FSD2: variants seen among roughly 807,000 people sequenced by gnomAD.
FSD2 encodes the protein fibronectin type III and SPRY domain containing 2.
FSD2 carries 71 observed loss-of-function variants against 80.4 expected under a neutral mutation model. The observed-to-expected ratio is 0.88, with a 90% CI of 0.73 to 1.08. The LOEUF (loss-of-function observed/expected upper bound fraction) is 1.08. Ranked by LOEUF, FSD2 falls within the 50% of genes least tolerant of loss-of-function variation. The probability of loss-of-function intolerance (pLI) is 0.00; values close to 1 mark genes in which losing one functional copy is unlikely to be tolerated. For missense variants in FSD2, 923 were observed against 913.8 expected, an observed-to-expected ratio of 1.01 and a Z score of -0.13; for synonymous variants, 361 against 329.5, an observed-to-expected ratio of 1.10 and a Z score of -1.03.
intron 12 of FSD2, among the ~76,000 whole-genome samples, chr15:82,760,739 G>GCA (rs141943507): frequency 0.6 from 89,552 of 150,030 alleles, 26,851 homozygotes; most frequent in African/African-American, 0.66. Flanking sequence ...GTGCGTGCAC[G>GCA]CACACACACA....
At chr15:82,771,516 G>A (rs1164784467) in intron 7 of FSD2, among the ~76,000 whole-genome samples, 1 of 152,300 alleles carries the variant, frequency 6.6e-6, no homozygotes, top group South Asian at 2.1e-4. Flanking sequence ...TCCCATTTCC[G>A]GGGAAAAGGA....
At chr15:82,805,271 C>G (rs1344373676) in intron 1 of FSD2, among the ~76,000 whole-genome samples, 1 of 151,172 alleles carries the variant, frequency 6.6e-6, no homozygotes, top group Non-Finnish European at 1.5e-5. Context: ...ATGGGCATAT[C>G]TACTGAATCT....
At chr15:82,790,923 C>T (rs2050134039) in intron 1 of FSD2, among the ~76,000 whole-genome samples, 1 of 151,460 alleles carries the variant, frequency 6.6e-6, no homozygotes, top group East Asian at 2.0e-4. Context: ...ACAGTTTTAT[C>T]GAGGTATAAT....
chr15:82,802,248 C>G (rs1163622288), intron 1 of FSD2, among the ~76,000 whole-genome samples: 3 of 152,190 alleles, frequency 2.0e-5, no homozygotes, highest in Non-Finnish European at 4.4e-5. Context: ...CAAGTCTCCC[C>G]CTCCATACAT....
chr15:82,794,811 G>A (rs934131059), intron 1 of FSD2, among the ~76,000 whole-genome samples: 53 of 149,446 alleles, frequency 3.5e-4, no homozygotes, highest in African/African-American at 1.2e-3. Flanking sequence ...TGCAAGCTCC[G>A]CCTCCCAGGT....
intron 1 of FSD2, chr15:82,796,456 A>G (rs1271333726): frequency 6.5e-6 from 1 of 153,842 alleles, no homozygotes; most frequent in African/African-American, 2.4e-5. Flanking sequence ...TGCTGCGGGC[A>G]TAAGACGTAT....
intron 1 of FSD2, among the ~76,000 whole-genome samples, chr15:82,805,357 C>T (rs1179703637): frequency 6.6e-6 from 1 of 152,084 alleles, no homozygotes; most frequent in Non-Finnish European, 1.5e-5. Context: ...AATTTTAGCT[C>T]TTCCATGCAG....
chr15:82,764,492 C>CTTTTTTTTTTTTTTTTTGTTT (rs2049363381), intron 11 of FSD2, among the ~76,000 whole-genome samples: 1 of 86,180 alleles, frequency 1.2e-5, no homozygotes, highest in African/African-American at 4.8e-5. Flanking sequence ...TCTTTACTTG[C>CTTTTTTTTTTTTTTTTTGTTT]TTTTTTTTTT....
chr15:82,779,834 T>A (rs1183791272), intron 5 of FSD2, among the ~76,000 whole-genome samples: 3 of 152,148 alleles, frequency 2.0e-5, no homozygotes, highest in Non-Finnish European at 4.4e-5. Flanking sequence ...TGATTAGATT[T>A]GCTCAAGGTC....
chr15:82,765,142 C>G, intron 11 of FSD2, 24 bp downstream of exon 11: 1 of 1,572,990 alleles, frequency 6.4e-7, no homozygotes, highest in Non-Finnish European at 8.6e-7. Flanking sequence ...CACAGAACGC[C>G]CTTGTGAGCG....
chr15:82,783,189 C>T (rs2049913380), intron 3 of FSD2, among the ~76,000 whole-genome samples, 164 bp from the exon 4 acceptor site: 1 of 152,072 alleles, frequency 6.6e-6, no homozygotes. Context: ...ACCTCTGCCC[C>T]CCAGGTTAAA....
chr15:82,785,021 G>A (rs1335943720), intron 3 of FSD2, among the ~76,000 whole-genome samples: 4 of 152,162 alleles, frequency 2.6e-5, no homozygotes, highest in African/African-American at 4.8e-5. Context: ...TGGGTATCCT[G>A]TAATACCTTG....
At chr15:82,786,686 C>T in intron 2 of FSD2, 66 bp downstream of exon 2, 1 of 1,606,612 alleles carries the variant, frequency 6.2e-7, no homozygotes, top group Non-Finnish European at 8.5e-7. Context: ...AGATTTATTC[C>T]CTGCGTATGT....
At chr15:82,762,401 T>C in intron 11 of FSD2, 123 bp from the exon 12 acceptor site, 2 of 801,428 alleles carry the variant, frequency 2.5e-6, no homozygotes, top group Non-Finnish European at 3.9e-6. Flanking sequence ...TAGGTGCTTC[T>C]GGACACTTAA....
At chr15:82,804,942 A>C (rs1309964262) in intron 1 of FSD2, among the ~76,000 whole-genome samples, 3 of 152,202 alleles carry the variant, frequency 2.0e-5, no homozygotes, top group African/African-American at 7.2e-5. Context: ...GAAAGTTGAC[A>C]ATAAACTGTC....
intron 6 of FSD2, among the ~76,000 whole-genome samples, chr15:82,776,785 T>C (rs1394296478): frequency 2.0e-5 from 3 of 152,100 alleles, no homozygotes; most frequent in African/African-American, 7.2e-5. Flanking sequence ...TAAAGCCATC[T>C]TGGGAAAGAC....
chr15:82,786,403 T>C (rs748697862), intron 3 of FSD2, 108 bp downstream of exon 3: 47 of 847,168 alleles, frequency 5.5e-5, no homozygotes, highest in Non-Finnish European at 8.5e-5. Flanking sequence ...TGGTGACCCC[T>C]CACATTCTAA....
chr15:82,779,853 A>G (rs1013728047), intron 5 of FSD2, among the ~76,000 whole-genome samples: 2 of 152,122 alleles, frequency 1.3e-5, no homozygotes, highest in African/African-American at 4.8e-5. Flanking sequence ...TCATGAGGGT[A>G]GCAGGATTTG....
At chr15:82,762,043 G>T in intron 12 of FSD2, 59 bp downstream of exon 12, 1 of 1,361,128 alleles carries the variant, frequency 7.3e-7, no homozygotes, top group Non-Finnish European at 9.9e-7. Context: ...TAGTGAAAAG[G>T]TCTTGCTGTA....
Sources: allele counts gnomAD v4.1 joint callset (sites outside exome capture counted in the v4.1 genomes callset), GRCh38; gene constraint gnomAD v4.1.1; transcripts MANE v1.5; gene names NCBI Gene and HGNC (gene_info 2026-07-23, HGNC 2026-07-21).